The following PI4KA variants were observed in gnomAD, a reference collection of about 807,000 sequenced individuals.
PI4KA encodes PI4-kinase alpha.
In PI4KA, 122 loss-of-function variants were observed where a neutral mutation model predicts 271.4. The observed-to-expected ratio is 0.45, with a 90% CI of 0.39 to 0.52. The LOEUF is 0.52. Ranked by LOEUF, PI4KA falls within the 20% of genes least tolerant of loss-of-function variation. PI4KA has a pLI of 0.00. For missense variants in PI4KA, 1,969 were observed against 2,769.1 expected (o/e 0.71, Z 6.48); for synonymous variants, 1,041 against 1,078.8 (o/e 0.96, Z 0.69).
At chr22:20,849,120 T>C (rs1349179720) in intron 1 of PI4KA, among the ~76,000 whole-genome samples, 1 of 152,130 alleles carries the variant, frequency 6.6e-6, no homozygotes, top group Non-Finnish European at 1.5e-5. Flanking sequence ...ATCAGGCAAA[T>C]GCATATCAAC....
chr22:20,761,311 G>A lies in PI4KA; in HGVS notation c.2784C>T (p.Asp928=). ...CYFEDKAIQK[D]KSGMMQCVIA... Reference sequence around the variant, plus strand: ...CCATAATAATGAGCTTACCAGATTTGTCTTTCTGAATAGCTTTATCCTCAA... The same window carrying A: ...CCATAATAATGAGCTTACCAGATTTATCTTTCTGAATAGCTTTATCCTCAA... Residue 928 remains aspartate (D), a synonymous_variant, in exon 23 of 55, where the codon GAC becomes GAT. Coordinates refer to ENST00000255882, the MANE Select transcript of PI4KA (RefSeq NM_058004.4). The A allele has an allele frequency of 6.3e-7, 1 of 1,597,214 alleles. No homozygotes were observed. Among genetic ancestry groups the A allele is most frequent in the Non-Finnish European group, 8.6e-7 (1 of 1,164,570 alleles).
intron 7 of PI4KA, among the ~76,000 whole-genome samples, chr22:20,815,153 C>T (rs753450209): frequency 1.3e-5 from 2 of 151,972 alleles, no homozygotes; most frequent in East Asian, 1.9e-4. Flanking sequence ...GAGGCCGAGG[C>T]GGGTGGATCA....
chr22:20,722,292 T>G (rs1310314100), intron 42 of PI4KA, among the ~76,000 whole-genome samples: 1 of 152,086 alleles, frequency 6.6e-6, no homozygotes, highest in Admixed American at 6.6e-5. Context: ...GTTCAAGCAA[T>G]TCTCTTGCCT....
intron 39 of PI4KA, 78 bp downstream of exon 39, chr22:20,729,235 C>G (rs1218133360): frequency 1.1e-5 from 14 of 1,303,244 alleles, no homozygotes; most frequent in Middle Eastern, 1.9e-4. Flanking sequence ...CTCCTGAGAA[C>G]TCATGACCCA....
chr22:20,735,880 C>G (rs1040681728), intron 32 of PI4KA, among the ~76,000 whole-genome samples: 1 of 152,156 alleles, frequency 6.6e-6, no homozygotes, highest in Non-Finnish European at 1.5e-5. Flanking sequence ...TGGGGGGGAC[C>G]CCAGAACTGC....
chr22:20,837,681 T>C (rs1569088710), intron 2 of PI4KA, among the ~76,000 whole-genome samples: 2 of 152,108 alleles, frequency 1.3e-5, no homozygotes, highest in Admixed American at 1.3e-4. Context: ...AATAAATAAA[T>C]AAATAAAAGA....
chr22:20,834,613 C>A lies in PI4KA; in HGVS notation c.316G>T (p.Gly106Cys), dbSNP rs757649747. Residue 106 changes from glycine (G) to cysteine (C), a missense_variant, in exon 3 of 55, where the codon GGT becomes TGT. Gly to Cys is a radical substitution (Grantham distance 159). Around this residue, in one of 13 missense-constraint regions of PI4KA, gnomAD observed 540 missense variants for 555.5 expected, o/e 0.97. Coordinates refer to ENST00000255882, the MANE Select transcript of PI4KA (RefSeq NM_058004.4). ...TCTACCCAATACACTTTTGGAAGACCTTTGAGAAGTCGAAGAAGGTAAGGA... is the reference window on the plus strand; with the variant it reads ...TCTACCCAATACACTTTTGGAAGACATTTGAGAAGTCGAAGAAGGTAAGGA... Reference protein sequence around the residue: ...VVPYLLRLLKGLPKVYWVEES... With the variant: ...VVPYLLRLLKCLPKVYWVEES... The A allele has an allele frequency of 6.2e-7, 1 of 1,611,490 alleles. No individual in the cohort carries two copies. Among genetic ancestry groups the A allele is most frequent in the Admixed American group, 1.7e-5 (1 of 59,996 alleles).
At chr22:20,787,114 G>C in intron 19 of PI4KA, 2 of 1,515,860 alleles carry the variant, frequency 1.3e-6, no homozygotes, top group Non-Finnish European at 1.8e-6. Context: ...CCCTCATTTT[G>C]TTTCCATTCC....
intron 51 of PI4KA, 177 bp from the exon 52 acceptor site, chr22:20,711,035 A>C: frequency 1.6e-6 from 1 of 626,610 alleles, no homozygotes; most frequent in Non-Finnish European, 2.9e-6. Flanking sequence ...GCAGGCAGAG[A>C]AAGAGAAGGG....
chr22:20,829,570 C>G (rs1923886749), intron 3 of PI4KA, among the ~76,000 whole-genome samples: 1 of 145,458 alleles, frequency 6.9e-6, no homozygotes, highest in African/African-American at 2.6e-5. Context: ...CTTTGTAAGT[C>G]TAGCTAGTGA....
At chr22:20,854,613 T>C (rs529949595) in intron 1 of PI4KA, among the ~76,000 whole-genome samples, 45 of 152,182 alleles carry the variant, frequency 3.0e-4, no homozygotes, top group Admixed American at 2.8e-3. Flanking sequence ...GAGTTACCAA[T>C]GTCTGAGCTG....
At chr22:20,733,705 G>T in intron 35 of PI4KA, 31 bp downstream of exon 35, 1 of 1,613,838 alleles carries the variant, frequency 6.2e-7, no homozygotes, top group Non-Finnish European at 8.5e-7. Flanking sequence ...CGCCGTCCCT[G>T]GACGCTGCAC....
intron 7 of PI4KA, among the ~76,000 whole-genome samples, chr22:20,817,534 G>A (rs576429266): frequency 8.6e-5 from 13 of 151,234 alleles, no homozygotes; most frequent in East Asian, 3.9e-4. Flanking sequence ...TAGGAGTTCC[G>A]GACCAGCCTG....
intron 22 of PI4KA, 58 bp downstream of exon 22, chr22:20,764,759 A>C: frequency 6.6e-7 from 1 of 1,522,450 alleles, no homozygotes; most frequent in Non-Finnish European, 8.9e-7. Flanking sequence ...AGGGCACAAA[A>C]ATGAAAACCC....
At chr22:20,781,305 G>C (rs1433353157) in intron 19 of PI4KA, among the ~76,000 whole-genome samples, 1 of 152,178 alleles carries the variant, frequency 6.6e-6, no homozygotes, top group Non-Finnish European at 1.5e-5. Flanking sequence ...AGTGTGGAAG[G>C]GGAAACACGA....
intron 19 of PI4KA, among the ~76,000 whole-genome samples, chr22:20,780,715 G>A (rs1163286785): frequency 1.4e-5 from 2 of 146,432 alleles, no homozygotes; most frequent in Non-Finnish European, 3.0e-5. Flanking sequence ...GGCAGAGATT[G>A]CAGTGAGCCG....
rs546464356 is a variant in PI4KA, at chr22:20,848,937, C to T, written c.156+9633G>A. Among the ~76,000 whole-genome samples the T allele has an allele frequency of 3.3e-5, 5 of 152,126 alleles. No homozygotes were observed. The East Asian group carries it at 5.8e-4, about 18-fold the overall frequency. ...GAGAAAATATTTGCAAATCATATAT[C>T]TTATTAAGAAACTTTTATCTAAAAT... is the stretch of plus-strand genomic sequence containing the variant. On this transcript the variant is annotated intron_variant, in intron 1 of 54. Coordinates refer to ENST00000255882, the MANE Select transcript of PI4KA (RefSeq NM_058004.4).
Position 20,720,178 on chromosome 22 carries a change from T to A in PI4KA, c.5116+1120A>T, listed in dbSNP as rs537591332. On this transcript the variant is annotated intron_variant, in intron 43 of 54. Transcript: ENST00000255882. ...TATTTTACAAATGCCCACCGTTTGA[T>A]GTTATAAAAGCTTTTGTGGGTCCAG... Among the ~76,000 whole-genome samples the A allele has an allele frequency of 3.3e-5, 5 of 152,282 alleles. No homozygotes were observed. In the East Asian group the frequency reaches 7.7e-4, roughly 23 times the overall value.
chr22:20,716,127 T>C (rs1450861067), intron 45 of PI4KA, among the ~76,000 whole-genome samples: 2 of 152,136 alleles, frequency 1.3e-5, no homozygotes, highest in Non-Finnish European at 2.9e-5. Flanking sequence ...CTTGGCTTAC[T>C]GCAAGCTCTG....
Sources: allele counts gnomAD v4.1 joint callset (sites outside exome capture counted in the v4.1 genomes callset), GRCh38; gene constraint gnomAD v4.1.1; regional missense constraint gnomAD v4.1.1; transcripts MANE v1.5; gene names NCBI Gene and HGNC (gene_info 2026-07-23, HGNC 2026-07-21).